The following STK4 variants were observed in gnomAD, a reference collection of about 807,000 sequenced individuals.
STK4 encodes serine/threonine-protein kinase 4.
In STK4, 30 loss-of-function variants were observed where a neutral mutation model predicts 64.9. The ratio of observed to expected loss-of-function variants is 0.46; its 90% CI spans 0.35 to 0.63. STK4 has a LOEUF of 0.63. Ranked by LOEUF, STK4 falls within the 20% of genes least tolerant of loss-of-function variation. The pLI is 0.01. For missense variants in STK4, 466 were observed against 598.5 expected, an observed-to-expected ratio of 0.78 and a Z score of 2.31; for synonymous variants, 177 against 199.0, an observed-to-expected ratio of 0.89 and a Z score of 0.93.
At chr20:45,057,902 G>T (rs2145452149) in intron 10 of STK4, among the ~76,000 whole-genome samples, 1 of 152,184 alleles carries the variant, frequency 6.6e-6, no homozygotes, top group South Asian at 2.1e-4. Flanking sequence ...TTAAACAGTT[G>T]CCGAAAAGAA....
intron 10 of STK4, among the ~76,000 whole-genome samples, chr20:45,065,709 G>A (rs1979508870): frequency 6.6e-6 from 1 of 152,010 alleles, no homozygotes; most frequent in African/African-American, 2.4e-5. Flanking sequence ...CAGTGGTAAT[G>A]TCCTCTTTGT....
intron 7 of STK4, among the ~76,000 whole-genome samples, chr20:44,999,711 T>A (rs2067800621): frequency 6.6e-6 from 1 of 152,358 alleles, no homozygotes; most frequent in Middle Eastern, 3.4e-3. Flanking sequence ...ATCTGTTACA[T>A]ATATATGATC....
intron 9 of STK4, among the ~76,000 whole-genome samples, chr20:45,014,915 G>A (rs1568722985): frequency 6.6e-6 from 1 of 152,144 alleles, no homozygotes; most frequent in African/African-American, 2.4e-5. Context: ...GAATTGAAGG[G>A]AGTGAGATGA....
intron 9 of STK4, among the ~76,000 whole-genome samples, chr20:45,017,121 A>C (rs567260443): frequency 3.9e-5 from 6 of 152,352 alleles, no homozygotes; most frequent in African/African-American, 1.4e-4. Context: ...GCATTTATTA[A>C]ATAGTCACTA....
intron 8 of STK4, 97 bp downstream of exon 8, chr20:45,000,617 T>G (rs1221661072): frequency 9.7e-6 from 15 of 1,538,760 alleles, no homozygotes; most frequent in African/African-American, 1.4e-5. Flanking sequence ...TGGATCAACT[T>G]GGAGCTGGAG....
At chr20:44,985,774 G>C (rs1039940522) in intron 4 of STK4, among the ~76,000 whole-genome samples, 1 of 152,062 alleles carries the variant, frequency 6.6e-6, no homozygotes, top group Non-Finnish European at 1.5e-5. Context: ...TTATAGATTG[G>C]GAAACAGGCT....
chr20:45,042,335 G>A (rs1398066314), intron 10 of STK4, among the ~76,000 whole-genome samples: 3 of 152,038 alleles, frequency 2.0e-5, no homozygotes, highest in Non-Finnish European at 2.9e-5. Flanking sequence ...GACATGAAAT[G>A]TTGAGAAGAC....
At chr20:45,016,057 G>A (rs992035525) in intron 9 of STK4, among the ~76,000 whole-genome samples, 1 of 152,158 alleles carries the variant, frequency 6.6e-6, no homozygotes, top group African/African-American at 2.4e-5. Flanking sequence ...GTGCTGGCAT[G>A]AACATGGTTG....
At chr20:45,024,890 C>T in intron 9 of STK4, 83 bp from the exon 10 acceptor site, 1 of 1,300,518 alleles carries the variant, frequency 7.7e-7, no homozygotes, top group Middle Eastern at 2.1e-4. Flanking sequence ...GAGATTGTAG[C>T]CCATCTGGAG....
chr20:45,046,776 G>A (rs1038381585), intron 10 of STK4, among the ~76,000 whole-genome samples: 1 of 151,954 alleles, frequency 6.6e-6, no homozygotes, highest in Non-Finnish European at 1.5e-5. Flanking sequence ...CCGCCTCCTG[G>A]ATTCAAGCAA....
At chr20:45,005,384 GC>G (rs2067919525) in intron 9 of STK4, among the ~76,000 whole-genome samples, 1 of 151,758 alleles carries the variant, frequency 6.6e-6, no homozygotes, top group South Asian at 2.1e-4. Flanking sequence ...TGTGGCTCAC[GC>G]CTGTAATCCC....
At chr20:44,991,555 A>T (rs1464882082) in intron 5 of STK4, among the ~76,000 whole-genome samples, 1 of 152,044 alleles carries the variant, frequency 6.6e-6, no homozygotes, top group Non-Finnish European at 1.5e-5. Flanking sequence ...CTTCCCTGCT[A>T]TTTCTCAAAG....
At chr20:45,012,799 C>CTTTT (rs57529086) in intron 9 of STK4, among the ~76,000 whole-genome samples, 3 of 115,602 alleles carry the variant, frequency 2.6e-5, no homozygotes, top group African/African-American at 9.6e-5. Context: ...TCTTCTTCTT[C>CTTTT]TTTTTTTTTT....
At chr20:45,053,032 C>A (rs1978296766) in intron 10 of STK4, 2 of 1,387,446 alleles carry the variant, frequency 1.4e-6, no homozygotes, top group Non-Finnish European at 2.0e-6. Flanking sequence ...TATGTTGAGA[C>A]TGAATTTATT....
rs368246934 is a variant in STK4 at position 45,079,483 on chromosome 20, T to G, written c.*4307T>G. On this transcript the variant is annotated 3_prime_UTR_variant, in exon 11 of 11. Coordinates refer to ENST00000372806, the MANE Select transcript of STK4 (RefSeq NM_006282.5). ...TCCTTATTTACTAGAAAATTGTTCC[T>G]GCCCAATCTACATCTCCACCTCACC... 8 of 152,584 alleles carry G rather than the reference T, an allele frequency of 5.2e-5. 1 individual carries two copies. The highest frequency in any genetic ancestry group is 1.9e-4 in the East Asian group (1 of 5,192). The allele number at this position is 152,584 out of a possible 1,614,324, so 9.5% of individuals were successfully genotyped here.
At chr20:45,028,621 C>T (rs1421981527) in intron 10 of STK4, among the ~76,000 whole-genome samples, 4 of 152,094 alleles carry the variant, frequency 2.6e-5, no homozygotes, top group East Asian at 1.9e-4. Flanking sequence ...GCCACTGTAC[C>T]GGCTCTTTGT....
chr20:44,994,526 G>T, intron 5 of STK4, among the ~76,000 whole-genome samples: 1 of 149,730 alleles, frequency 6.7e-6, no homozygotes, highest in Non-Finnish European at 1.5e-5. Flanking sequence ...TTCAGTATAT[G>T]GTTATTTATT....
At chr20:44,985,778 A>C (rs1311410836) in intron 4 of STK4, among the ~76,000 whole-genome samples, 1 of 152,226 alleles carries the variant, frequency 6.6e-6, no homozygotes, top group East Asian at 1.9e-4. Flanking sequence ...AGATTGGGAA[A>C]CAGGCTAAGA....
At chr20:45,044,322 TG>T (rs1281649359) in intron 10 of STK4, among the ~76,000 whole-genome samples, 2 of 152,068 alleles carry the variant, frequency 1.3e-5, no homozygotes, top group Non-Finnish European at 2.9e-5. Context: ...CTATGTAAAA[TG>T]AATGATAAAA....
Sources: gnomAD v4.1 joint callset for allele counts (sites outside exome capture counted in the v4.1 genomes callset) on GRCh38, gnomAD v4.1.1 for gene constraint, MANE v1.5 for transcripts, NCBI Gene and HGNC (gene_info 2026-07-23, HGNC 2026-07-21) for gene names.